SYBU: variants seen among roughly 807,000 people sequenced by gnomAD.
The protein encoded by SYBU is GOLSYN A protein.
In SYBU, 21 loss-of-function variants were observed where a neutral mutation model predicts 35.9. The observed-to-expected ratio is 0.58, with a 90% CI of 0.41 to 0.84. The LOEUF is 0.84. SYBU is among the 40% of genes least tolerant of loss of function. SYBU has a pLI of 0.00. For synonymous variants in SYBU, 319 were observed against 324.3 expected, an observed-to-expected ratio of 0.98 and a Z score of 0.18; for missense variants, 768 against 848.2, an observed-to-expected ratio of 0.91 and a Z score of 1.17.
chr8:109,658,234 T>C (rs556319036), intron 1 of SYBU, among the ~76,000 whole-genome samples: 160 of 152,328 alleles, frequency 1.1e-3, no homozygotes, highest in Non-Finnish European at 2.0e-3. Flanking sequence ...TTAGGCCTTT[T>C]GTGATTTTCT....
chr8:109,680,656 A>G (rs1217093882), intron 1 of SYBU: 1 of 152,260 alleles, frequency 6.6e-6, no homozygotes, highest in Non-Finnish European at 1.5e-5. Context: ...TTTGACAAGA[A>G]TATAACCCCT....
At chr8:109,622,010 T>A (rs1022616642) in intron 2 of SYBU, among the ~76,000 whole-genome samples, 6 of 152,258 alleles carry the variant, frequency 3.9e-5, no homozygotes, top group Admixed American at 1.3e-4. Flanking sequence ...CTGCTCTCCC[T>A]CCTCCTTTCT....
At chr8:109,659,731 C>G (rs1188245712) in intron 1 of SYBU, among the ~76,000 whole-genome samples, 1 of 152,068 alleles carries the variant, frequency 6.6e-6, no homozygotes, top group African/African-American at 2.4e-5. Context: ...GCCTTTCCCC[C>G]CAAATCTTAT....
intron 1 of SYBU, among the ~76,000 whole-genome samples, chr8:109,657,207 A>G (rs1381549252): frequency 6.6e-6 from 1 of 152,180 alleles, no homozygotes; most frequent in Non-Finnish European, 1.5e-5. Flanking sequence ...TAACGGTAGA[A>G]AATGTACTCA....
chr8:109,608,435 T>C (rs1359507417), intron 3 of SYBU, among the ~76,000 whole-genome samples: 1 of 151,974 alleles, frequency 6.6e-6, no homozygotes, highest in Non-Finnish European at 1.5e-5. Flanking sequence ...TTGAGAAAAA[T>C]TCTTGGTGTA....
intron 3 of SYBU, among the ~76,000 whole-genome samples, chr8:109,588,716 C>G (rs1280320909): frequency 2.0e-5 from 3 of 152,062 alleles, no homozygotes; most frequent in African/African-American, 7.2e-5. Flanking sequence ...CCCCCGCCCC[C>G]GCCGCCATTT....
chr8:109,585,657 T>A (rs1823523535), intron 4 of SYBU: 1 of 163,420 alleles, frequency 6.1e-6, no homozygotes, highest in Admixed American at 5.8e-5. Flanking sequence ...AAAATGGAAG[T>A]CCAGCTAGAA....
chr8:109,666,516 G>A (rs1816759074), intron 1 of SYBU, among the ~76,000 whole-genome samples: 1 of 152,178 alleles, frequency 6.6e-6, no homozygotes, highest in Non-Finnish European at 1.5e-5. Flanking sequence ...CAAGGCGGGA[G>A]GATCACTTGA....
chr8:109,643,553 T>C (rs1235458639), intron 1 of SYBU: 1 of 153,448 alleles, frequency 6.5e-6, no homozygotes, highest in Admixed American at 6.4e-5. Context: ...CTCGGGAAGA[T>C]GGCTCCACCT....
At chr8:109,611,214 T>C (rs1260481647) in intron 3 of SYBU, among the ~76,000 whole-genome samples, 1 of 152,158 alleles carries the variant, frequency 6.6e-6, no homozygotes, top group African/African-American at 2.4e-5. Flanking sequence ...TGAGTAAGCA[T>C]TTGGCAGGCC....
intron 3 of SYBU, among the ~76,000 whole-genome samples, chr8:109,599,255 G>A (rs1466514963): frequency 6.6e-6 from 1 of 152,152 alleles, no homozygotes; most frequent in African/African-American, 2.4e-5. Flanking sequence ...ATCTACTTTC[G>A]ACAAAGATAA....
At chr8:109,638,366 A>C (rs1443957173) in intron 2 of SYBU, among the ~76,000 whole-genome samples, 1 of 152,090 alleles carries the variant, frequency 6.6e-6, no homozygotes, top group Non-Finnish European at 1.5e-5. Flanking sequence ...CACTACTTAC[A>C]GAAAAGGGGG....
chr8:109,630,475 C>A (rs1262002664), intron 2 of SYBU, among the ~76,000 whole-genome samples: 1 of 151,568 alleles, frequency 6.6e-6, no homozygotes, highest in East Asian at 1.9e-4. Context: ...CATTTGGAGG[C>A]CACTACCGTA....
intron 2 of SYBU, among the ~76,000 whole-genome samples, chr8:109,629,329 ACACTT>A (rs1369317708): frequency 2.6e-5 from 4 of 152,244 alleles, no homozygotes; most frequent in African/African-American, 4.8e-5. Flanking sequence ...ACTGTTCTAA[ACACTT>A]CACTTCACTT....
chr8:109,628,426 G>C (rs563645195), intron 2 of SYBU, among the ~76,000 whole-genome samples: 2 of 151,858 alleles, frequency 1.3e-5, no homozygotes, highest in African/African-American at 4.8e-5. Context: ...CCCACCTCCT[G>C]GGCTCAGGTG....
intron 1 of SYBU, among the ~76,000 whole-genome samples, chr8:109,656,590 T>C (rs1297917533): frequency 2.0e-5 from 3 of 152,218 alleles, no homozygotes; most frequent in Admixed American, 1.3e-4. Flanking sequence ...AATGCTCACT[T>C]AAGAATTGCC....
rs1812120710 is a variant in SYBU at position 109,618,899 on chromosome 8, C to T, written c.370G>A (p.Gly124Arg). 6.2e-7 allele frequency: 1 copy of T among 1,614,194 alleles called. No individual in the cohort carries two copies. The highest frequency in any genetic ancestry group is 1.1e-5 in the South Asian group (1 of 91,084). ...TTATATCGAGAGGACTGAATGCTTC[C>T]TTCACCAACCATTCCAATCGTGCAT... The part of the protein sequence containing the change: ...KKCTIGMVGE[G>R]SIQSSRYKKE... Residue 124 changes from glycine (G) to arginine (R), a missense_variant, in exon 3 of 7, where the codon GGA (glycine) becomes AGA (arginine). Gly to Arg is a moderately radical substitution (Grantham distance 125). Coordinates refer to ENST00000276646, the MANE Select transcript of SYBU (RefSeq NM_001099754.2).
chr8:109,623,356 T>C (rs1458292364), intron 2 of SYBU, among the ~76,000 whole-genome samples: 1 of 152,226 alleles, frequency 6.6e-6, no homozygotes, highest in African/African-American at 2.4e-5. Flanking sequence ...TCAGTTCTTT[T>C]GTTGTTGTTC....
At chr8:109,607,889 T>A in intron 3 of SYBU, 1 of 1,266,674 alleles carries the variant, frequency 7.9e-7, no homozygotes, top group Non-Finnish European at 1.1e-6. Context: ...ATTATTTACT[T>A]ACTGTGACTA....
Sources: allele counts gnomAD v4.1 joint callset (sites outside exome capture counted in the v4.1 genomes callset), GRCh38; gene constraint gnomAD v4.1.1; transcripts MANE v1.5; gene names NCBI Gene and HGNC (gene_info 2026-07-23, HGNC 2026-07-21).